AGO3: variants seen among roughly 807,000 people sequenced by gnomAD.
AGO3 encodes protein argonaute-3.
A neutral mutation model predicts 105.5 loss-of-function variants in AGO3; 16 were observed. That is an observed-to-expected ratio of 0.15 (90% CI 0.10 to 0.23). The LOEUF (loss-of-function observed/expected upper bound fraction) is 0.23. Among genes scored for constraint, AGO3 ranks in the 10% least tolerant of loss-of-function variants. The pLI is 1.00. For missense variants in AGO3, 534 were observed against 1,088.0 expected, an observed-to-expected ratio of 0.49 and a Z score of 7.16; for synonymous variants, 340 against 367.3, an observed-to-expected ratio of 0.93 and a Z score of 0.85.
chr1:36,004,306 A>T, intron 5 of AGO3, 35 bp from the exon 6 acceptor site: 1 of 1,570,806 alleles, frequency 6.4e-7, no homozygotes, highest in South Asian at 1.2e-5. Context: ...TTTTAGGGAA[A>T]CATTAATTTG....
At position 36,067,326 on chromosome 1, in the gene AGO3, T is replaced by A. The variant is rs1643107688; in HGVS notation, c.*11581T>A. 1 of 152,244 alleles carries A rather than the reference T, an allele frequency of 6.6e-6. No individual in the cohort carries two copies. The highest frequency in any genetic ancestry group is 2.4e-5 in the African/African-American group (1 of 41,464). 9.4% of individuals were successfully genotyped at this position (152,244 alleles called of 1,614,324 possible). ...AGCTTTGGTTTTGCTAGCAACAGAC[T>A]TGATCTTCTATAGTAATTAATTGCA... On this transcript the variant is annotated 3_prime_UTR_variant, in exon 19 of 19. Coordinates refer to ENST00000373191, the MANE Select transcript of AGO3 (RefSeq NM_024852.4).
In AGO3 at chr1:35,973,521, C is replaced by G; in HGVS notation, c.658+10C>G. The G allele has an allele frequency of 6.4e-7, 1 of 1,560,156 alleles. No individual in the cohort carries two copies. The highest frequency in any genetic ancestry group is 8.7e-7 in the Non-Finnish European group (1 of 1,147,404). ...ATGCTTAATATCGATGGTAAGGGAA[C>G]TAAAGCCATATTCTGTATTGGGTGG... is the stretch of plus-strand genomic sequence containing the variant. On this transcript the variant is annotated intron_variant, in intron 5 of 18. Transcript: ENST00000373191.
rs186739675 is a variant in AGO3, at chr1:35,986,785, C to G, written c.658+13274C>G. Among the ~76,000 whole-genome samples the G allele has an allele frequency of 6.6e-3, 1,009 of 152,124 alleles. 10 individuals are homozygous for G. The highest frequency in any genetic ancestry group is 0.023 in the African/African-American group (963 of 41,494). On this transcript the variant is annotated intron_variant, in intron 5 of 18. Coordinates refer to ENST00000373191, the MANE Select transcript of AGO3 (RefSeq NM_024852.4). ...CCAAGGTGGGTGGATCACTTGAGGT[C>G]AGGAGTTCGAGACCAGCCTGGCCAA... is the stretch of plus-strand genomic sequence containing the variant.
At chr1:36,053,774 C>G (rs1642816519) in intron 17 of AGO3, among the ~76,000 whole-genome samples, 1 of 96,426 alleles carries the variant, frequency 1.0e-5, no homozygotes, top group African/African-American at 3.8e-5. Context: ...TTTTTTGAGA[C>G]AGTCTCGCTC....
chr1:35,988,923 A>G (rs1389570000), intron 5 of AGO3, among the ~76,000 whole-genome samples: 1 of 152,144 alleles, frequency 6.6e-6, no homozygotes, highest in African/African-American at 2.4e-5. Context: ...AAATAATGAG[A>G]AATATTGCAC....
At chr1:36,002,072 T>G (rs920874561) in intron 5 of AGO3, among the ~76,000 whole-genome samples, 5 of 152,142 alleles carry the variant, frequency 3.3e-5, no homozygotes, top group Admixed American at 6.5e-5. Flanking sequence ...CAGGCTGGAG[T>G]GTAGTGGCGC....
intron 5 of AGO3, among the ~76,000 whole-genome samples, chr1:35,995,213 TA>T (rs1372614098): frequency 1.0e-5 from 1 of 95,332 alleles, no homozygotes; most frequent in Non-Finnish European, 1.8e-5. Flanking sequence ...AAAAAAAATA[TA>T]TATATATATA....
At chr1:36,015,484 T>C (rs1640858636) in intron 11 of AGO3, among the ~76,000 whole-genome samples, 2 of 152,154 alleles carry the variant, frequency 1.3e-5, no homozygotes, top group South Asian at 4.1e-4. Flanking sequence ...TCCTTGGAGG[T>C]TGGGGATGTG....
chr1:36,043,898 A>G (rs1399772139), intron 17 of AGO3, among the ~76,000 whole-genome samples: 4 of 152,192 alleles, frequency 2.6e-5, no homozygotes, highest in Admixed American at 2.0e-4. Context: ...AGAAAGCACT[A>G]TTTTGCTCAG....
intron 12 of AGO3, among the ~76,000 whole-genome samples, chr1:36,032,360 T>A (rs1383775970): frequency 6.6e-6 from 1 of 152,184 alleles, no homozygotes; most frequent in Non-Finnish European, 1.5e-5. Flanking sequence ...TCTGTTTATC[T>A]TCTTTAGAGA....
chr1:36,014,216 T>A (rs1294551261), intron 11 of AGO3, among the ~76,000 whole-genome samples, 168 bp downstream of exon 11: 2 of 151,904 alleles, frequency 1.3e-5, no homozygotes, highest in Non-Finnish European at 2.9e-5. Flanking sequence ...TGAAGTGTAG[T>A]GGCGTGATCC....
At chr1:36,043,148 T>C (rs1642319133) in intron 16 of AGO3, 1 of 249,598 alleles carries the variant, frequency 4.0e-6, no homozygotes, top group Non-Finnish European at 7.5e-6. Flanking sequence ...TGGAGCACTT[T>C]AAGTTAATTT....
intron 2 of AGO3, among the ~76,000 whole-genome samples, chr1:35,959,665 G>GATT (rs1159250561): frequency 6.6e-6 from 1 of 152,032 alleles, no homozygotes. Context: ...TTGAACAAAA[G>GATT]ATTCCACTCC....
intron 1 of AGO3, among the ~76,000 whole-genome samples, chr1:35,937,055 T>C (rs1285643743): frequency 6.6e-6 from 1 of 152,096 alleles, no homozygotes; most frequent in Non-Finnish European, 1.5e-5. Flanking sequence ...AAGAATAGAT[T>C]GCAAAATGGG....
chr1:35,940,399 G>A (rs188898358), intron 1 of AGO3, among the ~76,000 whole-genome samples: 131 of 152,260 alleles, frequency 8.6e-4, no homozygotes, highest in Non-Finnish European at 1.2e-3. Flanking sequence ...ATCCAAATAA[G>A]TTCTACACAT....
intron 11 of AGO3, among the ~76,000 whole-genome samples, chr1:36,024,884 G>A (rs551004798): frequency 8.6e-5 from 13 of 151,902 alleles, no homozygotes; most frequent in African/African-American, 1.7e-4. Flanking sequence ...CTGAAGCATC[G>A]TATTCCTTCT....
intron 2 of AGO3, among the ~76,000 whole-genome samples, chr1:35,960,195 A>G (rs1250948878): frequency 5.9e-5 from 9 of 152,188 alleles, no homozygotes; most frequent in Middle Eastern, 3.2e-3. Flanking sequence ...TAGATAAATT[A>G]CTGTTCTAAA....
At chr1:36,004,313 T>C in intron 5 of AGO3, 28 bp from the exon 6 acceptor site, 1 of 1,582,672 alleles carries the variant, frequency 6.3e-7, no homozygotes, top group Non-Finnish European at 8.6e-7. Context: ...GAAACATTAA[T>C]TTGTATTGTT....
chr1:36,024,541 C>T (rs1641405253), intron 11 of AGO3, among the ~76,000 whole-genome samples: 1 of 152,130 alleles, frequency 6.6e-6, no homozygotes, highest in Non-Finnish European at 1.5e-5. Flanking sequence ...GATTCTGACA[C>T]AGTCTCAGGG....
Sources: gnomAD v4.1 joint callset for allele counts (sites outside exome capture counted in the v4.1 genomes callset) on GRCh38, gnomAD v4.1.1 for gene constraint, MANE v1.5 for transcripts, NCBI Gene and HGNC (gene_info 2026-07-23, HGNC 2026-07-21) for gene names.